Variants in TRAK2 observed in about 807,000 individuals in gnomAD.
TRAK2 encodes the protein trafficking kinesin protein 2.
TRAK2 carries 81 observed loss-of-function variants against 104.6 expected under a neutral mutation model. The observed-to-expected ratio is 0.77, with a 90% CI of 0.65 to 0.93. The LOEUF (loss-of-function observed/expected upper bound fraction) is 0.93. Among genes scored for constraint, TRAK2 ranks in the 40% least tolerant of loss-of-function variants. TRAK2 has a pLI of 0.00. For synonymous variants in TRAK2, 406 were observed against 394.4 expected, an observed-to-expected ratio of 1.03 and a Z score of -0.35; for missense variants, 1,002 against 1,089.0, an observed-to-expected ratio of 0.92 and a Z score of 1.12.
At chr2:201,403,183 G>A (rs1951564232) in intron 3 of TRAK2, among the ~76,000 whole-genome samples, 1 of 152,182 alleles carries the variant, frequency 6.6e-6, no homozygotes, top group South Asian at 2.1e-4. Context: ...ATGTTTTAGT[G>A]AGGAAAAATG....
chr2:201,450,525 T>C (rs372304882), intron 1 of TRAK2, among the ~76,000 whole-genome samples: 54 of 152,306 alleles, frequency 3.5e-4, no homozygotes, highest in African/African-American at 1.2e-3. Flanking sequence ...AAGTGTCATG[T>C]CACCACCATT....
At chr2:201,432,339 T>G (rs1308196616) in intron 1 of TRAK2, among the ~76,000 whole-genome samples, 2 of 152,358 alleles carry the variant, frequency 1.3e-5, no homozygotes, top group East Asian at 3.9e-4. Flanking sequence ...TCCTAGTCTG[T>G]GCACACGTAT....
At chr2:201,386,608 T>A in intron 13 of TRAK2, 124 bp from the exon 14 acceptor site, 1 of 1,299,358 alleles carries the variant, frequency 7.7e-7, no homozygotes, top group Non-Finnish European at 1.1e-6. Flanking sequence ...TATTTGGTGT[T>A]AATAATTTGG....
intron 2 of TRAK2, chr2:201,411,063 A>C (rs1951642041): frequency 8.4e-7 from 1 of 1,187,966 alleles, no homozygotes; most frequent in Non-Finnish European, 1.3e-6. Flanking sequence ...TGTAGAAAAC[A>C]TCATGTCAAT....
rs980917630 is a variant in TRAK2 at position 201,420,713 on chromosome 2, C to T, written c.-199-7G>A. ...TACTTTGGACAGTCATGACCTAAAA[C>T]AAAAACATCAAGTGACTAGAACTCA... On this transcript the variant is annotated splice_polypyrimidine_tract_variant and splice_region_variant and intron_variant, in intron 1 of 15. Coordinates refer to ENST00000332624, the MANE Select transcript of TRAK2 (RefSeq NM_015049.3). 1.9e-5 allele frequency: 9 copies of T among 469,516 alleles called. No individual in the cohort carries two copies. Among genetic ancestry groups the T allele is most frequent in the Admixed American group, 3.6e-5 (1 of 27,576 alleles). The allele number at this position is 469,516 out of a possible 1,614,324, so 29.1% of individuals were successfully genotyped here. A position where few individuals can be genotyped will look rare whatever the true frequency, so the allele number is the denominator to read the frequency against.
chr2:201,438,158 G>A (rs1040484048), intron 1 of TRAK2, among the ~76,000 whole-genome samples: 4 of 152,092 alleles, frequency 2.6e-5, no homozygotes, highest in Admixed American at 2.6e-4. Flanking sequence ...GACACTGAAA[G>A]CAAAAATCAA....
At position 201,402,492 on chromosome 2, in the gene TRAK2, T is replaced by C. The variant is rs574840520; in HGVS notation, c.287-1398A>G. 6.1e-4 allele frequency among the ~76,000 whole-genome samples: 93 copies of C among 152,162 alleles called. 1 individual carries two copies. The highest frequency in any genetic ancestry group is 2.2e-3 in the African/African-American group (92 of 41,542). ...ATTTAAACTGAAAATATAAAAACTT[T>C]TCTTAAAAGCTAGAAATAAACATTT... On this transcript the variant is annotated intron_variant, in intron 3 of 15. Transcript: ENST00000332624.
intron 12 of TRAK2, among the ~76,000 whole-genome samples, chr2:201,388,981 C>T (rs549127926): frequency 1.4e-4 from 21 of 152,006 alleles, no homozygotes; most frequent in Non-Finnish European, 2.6e-4. Context: ...AACAGAAAAT[C>T]GACAGCACCT....
At chr2:201,424,431 T>C (rs1257114337) in intron 1 of TRAK2, among the ~76,000 whole-genome samples, 1 of 152,184 alleles carries the variant, frequency 6.6e-6, no homozygotes, top group Non-Finnish European at 1.5e-5. Context: ...ATAAATGTGC[T>C]AGTGTATAAC....
chr2:201,438,997 T>C (rs1181994696), intron 1 of TRAK2, among the ~76,000 whole-genome samples: 2 of 152,250 alleles, frequency 1.3e-5, no homozygotes, highest in African/African-American at 4.8e-5. Context: ...TGTTTTGAAC[T>C]GCTAAAAGTA....
chr2:201,383,913 A>G (rs1280483050), intron 15 of TRAK2, among the ~76,000 whole-genome samples, 198 bp downstream of exon 15: 1 of 152,218 alleles, frequency 6.6e-6, no homozygotes, highest in Non-Finnish European at 1.5e-5. Context: ...TTTACTCTAC[A>G]CAATACATAC....
intron 9 of TRAK2, among the ~76,000 whole-genome samples, chr2:201,394,136 GCTT>G (rs1362866073): frequency 1.3e-5 from 2 of 151,976 alleles, no homozygotes; most frequent in Admixed American, 1.3e-4. Flanking sequence ...GAGATTTTTT[GCTT>G]CTTCTCCTGA....
Position 201,384,055 on chromosome 2 carries a change from C to A in TRAK2, c.2069+56G>T. The A allele has an allele frequency of 6.3e-6, 7 of 1,113,812 alleles. No individual in the cohort carries two copies. In the East Asian group the frequency reaches 7.3e-5, roughly 12 times the overall value. 69.0% of individuals were successfully genotyped at this position (1,113,812 alleles called of 1,614,324 possible). A position where few individuals can be genotyped will look rare whatever the true frequency, so the allele number is the denominator to read the frequency against. ...ATGAAGGTAATTTTAAAAAGAAATT[C>A]ATGAAAATATAGCTGAGGAAAGAAG... is the stretch of plus-strand genomic sequence containing the variant. On this transcript the variant is annotated intron_variant, in intron 15 of 15. Coordinates refer to ENST00000332624, the MANE Select transcript of TRAK2 (RefSeq NM_015049.3).
At position 201,389,870 on chromosome 2, in the gene TRAK2, G is replaced by T. The variant is rs1479933621; in HGVS notation, c.1124C>A (p.Ala375Glu). 1 of 1,612,264 alleles carries T rather than the reference G, an allele frequency of 6.2e-7. No homozygotes were observed. The highest frequency in any genetic ancestry group is 8.5e-7 in the Non-Finnish European group (1 of 1,179,384). Residue 375 changes from alanine to glutamate, a missense_variant, in exon 11 of 16, where the codon GCA (alanine) becomes GAA (glutamate). Ala to Glu is a moderately radical substitution (Grantham distance 107). Coordinates refer to ENST00000332624, the MANE Select transcript of TRAK2 (RefSeq NM_015049.3). ...ACGCATAGTCCCCTCAATCTCAGCT[G>T]CCAAAGATTCCTAAGAAAAAGAGTT... ...SYGAFTGESL[A>E]AEIEGTMRKK...
chr2:201,431,635 C>A (rs916653846), intron 1 of TRAK2, among the ~76,000 whole-genome samples: 5 of 152,242 alleles, frequency 3.3e-5, no homozygotes, highest in African/African-American at 1.2e-4. Context: ...CCAGCATAAT[C>A]TTCCGTCTCA....
intron 1 of TRAK2, among the ~76,000 whole-genome samples, chr2:201,443,251 G>A (rs764929120): frequency 5.3e-5 from 8 of 151,984 alleles, no homozygotes; most frequent in Non-Finnish European, 1.0e-4. Flanking sequence ...CCCTCCTTGG[G>A]TCATCAACAG....
chr2:201,383,323 C>T (rs188229333), intron 15 of TRAK2, among the ~76,000 whole-genome samples: 1 of 152,222 alleles, frequency 6.6e-6, no homozygotes, highest in Admixed American at 6.5e-5. Context: ...CAGGCCACAC[C>T]CAGTAGTCTT....
At chr2:201,413,445 A>T (rs2125651902) in intron 2 of TRAK2, 47 of 348,616 alleles carry the variant, frequency 1.3e-4, no homozygotes, top group East Asian at 2.6e-4. Flanking sequence ...GAGGAGGGAA[A>T]GGGATAGGGA....
chr2:201,381,078 C>T lies in TRAK2; in HGVS notation c.2210G>A (p.Ser737Asn). Residue 737 changes from serine to asparagine, a missense_variant, in exon 16 of 16, where the codon AGC becomes AAC. Transcript: ENST00000332624. Reference protein sequence around the residue: ...NRRDSTTTFSSTMSLAKLLQE... With the variant: ...NRRDSTTTFSNTMSLAKLLQE... ...TAGAAGTTTGGCCAAGCTCATGGTG[C>T]TACTGAAGGTTGTAGTGGAATCTCG... 1 of 1,614,076 alleles carries T rather than the reference C, an allele frequency of 6.2e-7. No homozygotes were observed. The highest frequency in any genetic ancestry group is 8.5e-7 in the Non-Finnish European group (1 of 1,180,002).
Sources: allele counts gnomAD v4.1 joint callset (sites outside exome capture counted in the v4.1 genomes callset), GRCh38; gene constraint gnomAD v4.1.1; transcripts MANE v1.5; gene names NCBI Gene and HGNC (gene_info 2026-07-23, HGNC 2026-07-21).